Variants in PKHD1 observed in about 807,000 individuals in gnomAD.
PKHD1 encodes fibrocystin.
PKHD1 carries 291 observed loss-of-function variants against 412.0 expected under a neutral mutation model. The observed-to-expected ratio is 0.71, with a 90% CI of 0.64 to 0.78. PKHD1 has a LOEUF of 0.78. Ranked by LOEUF, PKHD1 falls within the 30% of genes least tolerant of loss-of-function variation. The pLI, the probability that PKHD1 is intolerant of heterozygous loss-of-function variation, is 0.00. For synonymous variants in PKHD1, 1,777 were observed against 1,821.5 expected, an observed-to-expected ratio of 0.98 and a Z score of 0.62; for missense variants, 4,825 against 4,950.7, an observed-to-expected ratio of 0.97 and a Z score of 0.76.
At chr6:51,751,635 A>G (rs1010290024) in intron 57 of PKHD1, among the ~76,000 whole-genome samples, 2 of 152,210 alleles carry the variant, frequency 1.3e-5, no homozygotes, top group African/African-American at 4.8e-5. Context: ...TACTACTTGA[A>G]TGACTTTCCT....
intron 13 of PKHD1, among the ~76,000 whole-genome samples, chr6:52,063,751 T>C (rs564267224): frequency 5.3e-5 from 8 of 152,248 alleles, no homozygotes; most frequent in Non-Finnish European, 1.0e-4. Flanking sequence ...CCAAACATGT[T>C]TCTACACATT....
At chr6:51,779,399 G>T (rs1179273889) in intron 53 of PKHD1, among the ~76,000 whole-genome samples, 1 of 151,988 alleles carries the variant, frequency 6.6e-6, no homozygotes, top group Non-Finnish European at 1.5e-5. Context: ...ACTAAGTCTG[G>T]GTTAAGTGAC....
intron 60 of PKHD1, among the ~76,000 whole-genome samples, chr6:51,702,236 A>ATAATATATAATATATTATATAT (rs1241048962): frequency 6.7e-6 from 1 of 148,400 alleles, no homozygotes. Flanking sequence ...TATGTCATGG[A>ATAATATATAATATATTATATAT]ATACTACTCA....
chr6:51,685,965 C>T (rs1777373459), intron 60 of PKHD1, among the ~76,000 whole-genome samples: 2 of 152,160 alleles, frequency 1.3e-5, no homozygotes, highest in African/African-American at 4.8e-5. Flanking sequence ...TGCTGTCTAA[C>T]CCAGAACTCC....
chr6:51,943,828 C>T (rs1413443951), intron 36 of PKHD1, among the ~76,000 whole-genome samples: 2 of 151,548 alleles, frequency 1.3e-5, no homozygotes, highest in Non-Finnish European at 3.0e-5. Context: ...TTAATCTCTC[C>T]CACTGTAGGT....
At chr6:51,971,216 C>T (rs888340788) in intron 35 of PKHD1, among the ~76,000 whole-genome samples, 6 of 152,160 alleles carry the variant, frequency 3.9e-5, no homozygotes, top group Admixed American at 1.3e-4. Flanking sequence ...GATAATAAAT[C>T]GGCATTGTTT....
intron 52 of PKHD1, among the ~76,000 whole-genome samples, chr6:51,804,891 G>A (rs937751822): frequency 2.6e-5 from 4 of 152,236 alleles, no homozygotes; most frequent in East Asian, 1.9e-4. Context: ...AGATGCTGAC[G>A]AGGCTGTGAA....
At chr6:52,080,085 A>C in intron 4 of PKHD1, 77 bp from the exon 5 acceptor site, 1 of 846,448 alleles carries the variant, frequency 1.2e-6, no homozygotes, top group Middle Eastern at 3.1e-4. Flanking sequence ...TGCCACTTCA[A>C]ATTTCCTCCT....
Position 52,049,773 on chromosome 6 carries a change from C to A in PKHD1, c.2279+384G>T, listed in dbSNP as rs1347095105. Among the ~76,000 whole-genome samples the A allele has an allele frequency of 3.3e-5, 5 of 152,094 alleles. No individual in the cohort carries two copies. In the East Asian group the frequency reaches 9.6e-4, roughly 29 times the overall value. On this transcript the variant is annotated intron_variant, in intron 22 of 66. Transcript: ENST00000371117. ...CAACAAGATTAACACATGAGGAATG[C>A]AATGAAAAGAACAACAACAAAACAA...
intron 54 of PKHD1, among the ~76,000 whole-genome samples, chr6:51,775,081 C>CAT (rs200189979): frequency 0.18 from 27,557 of 149,752 alleles, 3,310 homozygotes; most frequent in African/African-American, 0.34. Flanking sequence ...AATATAATAA[C>CAT]ATTTAAGCTG....
intron 60 of PKHD1, among the ~76,000 whole-genome samples, chr6:51,701,270 A>G (rs1779371920): frequency 6.6e-6 from 1 of 152,144 alleles, no homozygotes; most frequent in African/African-American, 2.4e-5. Flanking sequence ...ATTCGAAATT[A>G]TTAAACTAGA....
chr6:51,753,359 G>C lies in PKHD1; in HGVS notation c.8798-6C>G. ...CTCCGTGACATGTACACTTCCTGGG[G>C]CAATAGGAGTTGTGGGAAAAAAAAA... On this transcript the variant is annotated splice_polypyrimidine_tract_variant and splice_region_variant and intron_variant, in intron 56 of 66. Transcript: ENST00000371117. 6.2e-7 allele frequency: 1 copy of C among 1,612,600 alleles called. No individual in the cohort carries two copies. The highest frequency in any genetic ancestry group is 8.5e-7 in the Non-Finnish European group (1 of 1,179,114).
chr6:51,774,108 T>C (rs527827010), intron 54 of PKHD1, among the ~76,000 whole-genome samples: 6 of 151,966 alleles, frequency 3.9e-5, no homozygotes, highest in Non-Finnish European at 7.4e-5. Flanking sequence ...CAAAAAGCAG[T>C]TCATGTCCTT....
At chr6:52,065,162 TATATATAG>T (rs1448342567) in intron 12 of PKHD1, 112 bp from the exon 13 acceptor site, 10 of 66,190 alleles carry the variant, frequency 1.5e-4, no homozygotes, top group South Asian at 5.2e-4. Context: ...TATATATATA[TATATATAG>T]AGAGAGAGAG....
chr6:51,669,120 G>C (rs1294667870), intron 60 of PKHD1, among the ~76,000 whole-genome samples: 1 of 152,136 alleles, frequency 6.6e-6, no homozygotes, highest in Non-Finnish European at 1.5e-5. Context: ...CAGATGGAAT[G>C]GTACCAGTTC....
At chr6:52,057,281 C>T (rs944997504) in intron 16 of PKHD1, among the ~76,000 whole-genome samples, 1 of 152,170 alleles carries the variant, frequency 6.6e-6, no homozygotes, top group Non-Finnish European at 1.5e-5. Flanking sequence ...TGCTTTCTCC[C>T]AAGGGTAGCC....
At chr6:51,638,745 C>A (rs2580021) in intron 64 of PKHD1, 104 bp downstream of exon 64, 1 of 760,542 alleles carries the variant, frequency 1.3e-6, no homozygotes. Flanking sequence ...CTATGATGAC[C>A]TCTTATTCAT....
chr6:51,746,716 T>C lies in PKHD1; in HGVS notation c.9998+5A>G, dbSNP rs1785236913. 1 of 1,564,624 alleles carries C rather than the reference T, an allele frequency of 6.4e-7. No homozygotes were observed. Among genetic ancestry groups the C allele is most frequent in the Non-Finnish European group, 8.8e-7 (1 of 1,135,524 alleles). ...ATGGCTTATTATAAATACTAAAAATTATACCTGGGTTGTAATGAAGGAAAG... is the reference window on the plus strand; with the variant it reads ...ATGGCTTATTATAAATACTAAAAATCATACCTGGGTTGTAATGAAGGAAAG... On this transcript the variant is annotated splice_donor_5th_base_variant and intron_variant, in intron 59 of 66. Coordinates refer to ENST00000371117, the MANE Select transcript of PKHD1 (RefSeq NM_138694.4).
intron 44 of PKHD1, 69 bp downstream of exon 44, chr6:51,887,064 G>A: frequency 6.1e-6 from 6 of 990,700 alleles, no homozygotes; most frequent in Non-Finnish European, 9.8e-6. Flanking sequence ...TGCTCTCATT[G>A]TGAGCATTCT....
Sources: allele counts gnomAD v4.1 joint callset (sites outside exome capture counted in the v4.1 genomes callset), GRCh38; gene constraint gnomAD v4.1.1; transcripts MANE v1.5; gene names NCBI Gene and HGNC (gene_info 2026-07-23, HGNC 2026-07-21).